SLC25A16: variants seen among roughly 807,000 people sequenced by gnomAD.
SLC25A16 encodes mitochondrial coenzyme A transporter SLC25A16.
A neutral mutation model predicts 41.5 loss-of-function variants in SLC25A16; 39 were observed. That is an observed-to-expected ratio of 0.94 (90% CI 0.73 to 1.23). SLC25A16 has a LOEUF of 1.23. Among genes scored for constraint, SLC25A16 ranks in the 50% most tolerant of loss-of-function variants. The probability of loss-of-function intolerance (pLI) is 0.00; values close to 1 mark genes in which losing one functional copy is unlikely to be tolerated. For missense variants in SLC25A16, 421 were observed against 426.9 expected, an observed-to-expected ratio of 0.99 and a Z score of 0.12; for synonymous variants, 146 against 147.8, an observed-to-expected ratio of 0.99 and a Z score of 0.09.
At chr10:68,522,856 C>T (rs114045066) in intron 1 of SLC25A16, among the ~76,000 whole-genome samples, 3,775 of 148,568 alleles carry the variant, frequency 0.025, 168 homozygotes, top group African/African-American at 0.09. Flanking sequence ...GAAGTGGTGG[C>T]ACCCACCGGT....
rs1490809291 is a variant in SLC25A16 at position 68,480,987 on chromosome 10, T to C, written c.*2445A>G. On this transcript the variant is annotated 3_prime_UTR_variant, in exon 9 of 9. Transcript: ENST00000609923. ...TTTTCTTTTATACAGTCTCACTCTGTATAAAAGAAATTTTTATACAGGCTT... is the reference window on the plus strand; with the variant it reads ...TTTTCTTTTATACAGTCTCACTCTGCATAAAAGAAATTTTTATACAGGCTT... The C allele has an allele frequency of 1.3e-5, 2 of 151,876 alleles. No individual in the cohort carries two copies. The highest frequency in any genetic ancestry group is 2.9e-5 in the Non-Finnish European group (2 of 67,982). The allele number at this position is 151,876 out of a possible 1,614,324, so 9.4% of individuals were successfully genotyped here.
At chr10:68,492,116 G>A (rs549065638) in intron 6 of SLC25A16, among the ~76,000 whole-genome samples, 22 of 152,094 alleles carry the variant, frequency 1.4e-4, no homozygotes, top group Non-Finnish European at 2.2e-4. Context: ...CACCACACCC[G>A]GCTCCTTTTG....
chr10:68,521,261 G>A (rs1400153421), intron 1 of SLC25A16, among the ~76,000 whole-genome samples: 2 of 151,996 alleles, frequency 1.3e-5, no homozygotes, highest in African/African-American at 2.4e-5. Context: ...AAAACCGGCC[G>A]GCTGTGGTGG....
intron 2 of SLC25A16, among the ~76,000 whole-genome samples, chr10:68,514,315 T>G (rs796631923): frequency 6.6e-6 from 1 of 151,908 alleles, no homozygotes; most frequent in Non-Finnish European, 1.5e-5. Flanking sequence ...GCCAATATGG[T>G]GAAACCCCGT....
intron 6 of SLC25A16, among the ~76,000 whole-genome samples, chr10:68,492,135 C>G (rs1339986324): frequency 2.0e-5 from 3 of 152,112 alleles, no homozygotes; most frequent in African/African-American, 7.2e-5. Context: ...TGCTTTAATA[C>G]TTACACAAAA....
Position 68,480,450 on chromosome 10 carries a change from T to C in SLC25A16, c.*2982A>G, listed in dbSNP as rs965222715. 3 of 151,208 alleles carry C rather than the reference T, an allele frequency of 2.0e-5. No homozygotes were observed. The highest frequency in any genetic ancestry group is 7.3e-5 in the African/African-American group (3 of 41,108). The allele number at this position is 151,208 out of a possible 1,614,324, so 9.4% of individuals were successfully genotyped here. A position where few individuals can be genotyped will look rare whatever the true frequency, so the allele number is the denominator to read the frequency against. ...AGAATGCAAATTTTTATTTAAAAGA[T>C]ATTTGCAATCCCCTTTTACTGATAA... On this transcript the variant is annotated 3_prime_UTR_variant, in exon 9 of 9. Transcript: ENST00000609923.
At chr10:68,493,091 T>C in intron 6 of SLC25A16, 41 bp downstream of exon 6, 1 of 1,170,250 alleles carries the variant, frequency 8.5e-7, no homozygotes, top group East Asian at 2.4e-5. Flanking sequence ...GTAACAAATT[T>C]TAAACATGCA....
At chr10:68,497,274 C>CT (rs1374759942) in intron 4 of SLC25A16, among the ~76,000 whole-genome samples, 2 of 152,136 alleles carry the variant, frequency 1.3e-5, no homozygotes, top group African/African-American at 2.4e-5. Flanking sequence ...TAAATATATA[C>CT]TTTAGACAAA....
chr10:68,482,943 T>C lies in SLC25A16; in HGVS notation c.*489A>G, dbSNP rs2052501720. 1 of 152,222 alleles carries C rather than the reference T, an allele frequency of 6.6e-6. No individual in the cohort carries two copies. Among genetic ancestry groups the C allele is most frequent in the Non-Finnish European group, 1.5e-5 (1 of 68,058 alleles). 9.4% of individuals were successfully genotyped at this position (152,222 alleles called of 1,614,324 possible). ...GTTTTTCCTATTATCCAGTGGAGCATAATTGTGAGAAGAGAGATAACAAAA... is the reference window on the plus strand; with the variant it reads ...GTTTTTCCTATTATCCAGTGGAGCACAATTGTGAGAAGAGAGATAACAAAA... On this transcript the variant is annotated 3_prime_UTR_variant, in exon 9 of 9. Coordinates refer to ENST00000609923, the MANE Select transcript of SLC25A16 (RefSeq NM_152707.4).
chr10:68,490,225 T>G (rs1429786390), intron 6 of SLC25A16, among the ~76,000 whole-genome samples: 4 of 151,980 alleles, frequency 2.6e-5, no homozygotes, highest in Non-Finnish European at 5.9e-5. Flanking sequence ...ATTGCACCAC[T>G]GCACTCAGCT....
chr10:68,490,982 T>C (rs764237086), intron 6 of SLC25A16, among the ~76,000 whole-genome samples: 1 of 152,000 alleles, frequency 6.6e-6, no homozygotes, highest in Non-Finnish European at 1.5e-5. Flanking sequence ...CTCAACCTCC[T>C]AGGCTCAGGC....
chr10:68,526,378 C>T (rs1051317322), intron 1 of SLC25A16, among the ~76,000 whole-genome samples: 1 of 152,180 alleles, frequency 6.6e-6, no homozygotes, highest in Non-Finnish European at 1.5e-5. Flanking sequence ...CCTTTGTTCA[C>T]GTGTTTGTCT....
intron 5 of SLC25A16, 71 bp downstream of exon 5, chr10:68,493,378 A>C: frequency 7.5e-7 from 1 of 1,335,042 alleles, no homozygotes; most frequent in South Asian, 1.2e-5. Flanking sequence ...ATAATTACTT[A>C]TATGACATTC....
chr10:68,489,887 G>A (rs1345350452), intron 6 of SLC25A16, among the ~76,000 whole-genome samples: 4 of 140,346 alleles, frequency 2.9e-5, no homozygotes, highest in East Asian at 4.1e-4. Flanking sequence ...GCAACAGAGC[G>A]AGACTCTGTC....
At chr10:68,483,882 T>C (rs1165226629) in intron 8 of SLC25A16, among the ~76,000 whole-genome samples, 3 of 152,106 alleles carry the variant, frequency 2.0e-5, no homozygotes, top group Admixed American at 6.6e-5. Context: ...CAGGCCAGTC[T>C]CAAACTCCTG....
At chr10:68,504,943 G>T (rs904603355) in intron 3 of SLC25A16, among the ~76,000 whole-genome samples, 1 of 152,104 alleles carries the variant, frequency 6.6e-6, no homozygotes, top group African/African-American at 2.4e-5. Context: ...GCCTCCCAAA[G>T]TGCTGTGATT....
intron 1 of SLC25A16, chr10:68,517,298 T>C: frequency 1.0e-6 from 1 of 971,618 alleles, no homozygotes; most frequent in African/African-American, 1.8e-5. Flanking sequence ...AACCAACTTT[T>C]ACCCATAAAA....
rs1236836389 is a variant in SLC25A16, at chr10:68,478,522, A to C, written c.*4910T>G. ...CCTTGGGGAAAAAAAATAAATAATT[A>C]TACATAGGGTTTTTTAAAAAAACAT... On this transcript the variant is annotated 3_prime_UTR_variant, in exon 9 of 9. Coordinates refer to ENST00000609923, the MANE Select transcript of SLC25A16 (RefSeq NM_152707.4). The C allele has an allele frequency of 6.6e-6, 1 of 152,058 alleles. No homozygotes were observed. The highest frequency in any genetic ancestry group is 1.9e-4 in the East Asian group (1 of 5,192). The allele number at this position is 152,058 out of a possible 1,614,324, so 9.4% of individuals were successfully genotyped here. A position where few individuals can be genotyped will look rare whatever the true frequency, so the allele number is the denominator to read the frequency against.
chr10:68,491,273 C>T (rs1000806760), intron 6 of SLC25A16, among the ~76,000 whole-genome samples: 4 of 151,592 alleles, frequency 2.6e-5, no homozygotes, highest in African/African-American at 9.7e-5. Flanking sequence ...GTGGCCCAGA[C>T]TGGAGTGCGA....
Sources: gnomAD v4.1 joint callset for allele counts (sites outside exome capture counted in the v4.1 genomes callset) on GRCh38, gnomAD v4.1.1 for gene constraint, MANE v1.5 for transcripts, NCBI Gene and HGNC (gene_info 2026-07-23, HGNC 2026-07-21) for gene names.